The following BRD4 variants were observed in gnomAD, a reference collection of about 807,000 sequenced individuals.
The protein encoded by BRD4 is bromodomain-containing protein 4.
A neutral mutation model predicts 142.1 loss-of-function variants in BRD4; 16 were observed. The ratio of observed to expected loss-of-function variants is 0.11; its 90% CI spans 0.08 to 0.17. The LOEUF is 0.17. Ranked by LOEUF, BRD4 falls within the 10% of genes least tolerant of loss-of-function variation. The pLI, the probability that BRD4 is intolerant of heterozygous loss-of-function variation, is 1.00. For missense variants in BRD4, 1,424 were observed against 1,810.9 expected (o/e 0.79, Z 3.88); for synonymous variants, 833 against 707.5 (o/e 1.18, Z -2.82).
At chr19:15,293,677 G>A (rs2047801645) in intron 1 of BRD4, among the ~76,000 whole-genome samples, 1 of 152,112 alleles carries the variant, frequency 6.6e-6, no homozygotes, top group Admixed American at 6.5e-5. Context: ...CCTAAAATCC[G>A]CCATTTTAAC....
rs777186961 is a variant in BRD4, at chr19:15,264,655, G to A, written c.961C>T (p.Arg321Trp). The change falls in exon 6 of 20, where the codon CGG (arginine) becomes TGG (tryptophan). Residue 321 changes from arginine (R) to tryptophan (W), a missense_variant. Transcript: ENST00000679869. ...TTCACAGGCCGGCTGCTCTCCCGCC[G>A]CTGGCCCAGCTTGGTGGTCTTGGGC... ...PEPKTTKLGQ[R>W]RESSRPVKPP... The A allele has an allele frequency of 6.2e-6, 10 of 1,613,738 alleles. No homozygotes were observed. Among genetic ancestry groups the A allele is most frequent in the South Asian group, 4.4e-5 (4 of 91,056 alleles).
chr19:15,242,693 A>G (rs1568377459), intron 14 of BRD4, among the ~76,000 whole-genome samples: 1 of 152,082 alleles, frequency 6.6e-6, no homozygotes, highest in Non-Finnish European at 1.5e-5. Flanking sequence ...CCTTATTCTG[A>G]GTGATCTCAC....
intron 1 of BRD4, among the ~76,000 whole-genome samples, chr19:15,303,831 G>C (rs1221645171): frequency 6.6e-6 from 1 of 152,128 alleles, no homozygotes; most frequent in South Asian, 2.1e-4. Context: ...AGTTTTTTAA[G>C]TATCAACATT....
chr19:15,265,303 G>T, intron 5 of BRD4, 51 bp downstream of exon 5: 1 of 1,443,682 alleles, frequency 6.9e-7, no homozygotes, highest in Non-Finnish European at 9.2e-7. Context: ...GGCAAGGACA[G>T]GGCCGCTCTC....
intron 1 of BRD4, among the ~76,000 whole-genome samples, chr19:15,294,244 G>A (rs1038026107): frequency 1.3e-5 from 2 of 152,248 alleles, no homozygotes; most frequent in African/African-American, 4.8e-5. Context: ...TTGTTCCCTT[G>A]CATTTCTGCA....
At chr19:15,255,719 G>A in intron 9 of BRD4, 127 bp from the exon 10 acceptor site, 2 of 1,246,814 alleles carry the variant, frequency 1.6e-6, no homozygotes, top group East Asian at 2.4e-5. Context: ...AGCCTTCACA[G>A]GAAACGGGGC....
intron 1 of BRD4, among the ~76,000 whole-genome samples, chr19:15,273,682 G>T (rs1373603368): frequency 6.6e-6 from 1 of 152,202 alleles, no homozygotes; most frequent in African/African-American, 2.4e-5. Context: ...CCACTGCCAA[G>T]TGCTCAGGGC....
chr19:15,266,243 C>G (rs1211301149), intron 4 of BRD4, among the ~76,000 whole-genome samples: 1 of 152,222 alleles, frequency 6.6e-6, no homozygotes, highest in African/African-American at 2.4e-5. Flanking sequence ...GGCCAGAGCT[C>G]TAACAAAACT....
At chr19:15,310,788 C>T in intron 1 of BRD4, among the ~76,000 whole-genome samples, 1 of 151,716 alleles carries the variant, frequency 6.6e-6, no homozygotes, top group Admixed American at 6.6e-5. Context: ...AGCCACCGTG[C>T]CTGGCCTTAA....
chr19:15,331,755 G>A (rs1343817238), intron 1 of BRD4: 1 of 150,016 alleles, frequency 6.7e-6, no homozygotes, highest in Non-Finnish European at 1.5e-5. Context: ...CGGCCCACGT[G>A]AGCGCCGCGG....
chr19:15,277,029 C>G (rs2047654583), intron 1 of BRD4, among the ~76,000 whole-genome samples: 1 of 152,072 alleles, frequency 6.6e-6, no homozygotes, highest in Non-Finnish European at 1.5e-5. Flanking sequence ...AGAAGGCATG[C>G]CTGGCATAGA....
intron 1 of BRD4, among the ~76,000 whole-genome samples, chr19:15,311,903 G>A (rs1440303270): frequency 2.0e-5 from 3 of 152,174 alleles, no homozygotes; most frequent in Non-Finnish European, 4.4e-5. Flanking sequence ...GAAAGTAGAA[G>A]ACTGGCTGCC....
Position 15,235,631 on chromosome 19 carries a change from A to G in BRD4, c.*2746T>C, listed in dbSNP as rs1433300479. 2 of 152,126 alleles carry G rather than the reference A, an allele frequency of 1.3e-5. No individual in the cohort carries two copies. Among genetic ancestry groups the G allele is most frequent in the Admixed American group, 6.6e-5 (1 of 15,258 alleles). 9.4% of individuals were successfully genotyped at this position (152,126 alleles called of 1,614,324 possible). ...TACGAATTCCCTTCTACAAATGTCT[A>G]AAGTGTTTAATACAAGTCTCAGATT... On this transcript the variant is annotated 3_prime_UTR_variant, in exon 20 of 20. Transcript: ENST00000679869.
chr19:15,272,674 AC>A, intron 2 of BRD4, 140 bp downstream of exon 2: 1 of 721,838 alleles, frequency 1.4e-6, no homozygotes, highest in Non-Finnish European at 2.2e-6. Flanking sequence ...AACTGCTGAA[AC>A]CACTCACTCA....
chr19:15,238,645 C>T lies in BRD4; in HGVS notation c.4020+98G>A, dbSNP rs2047212778. On this transcript the variant is annotated intron_variant, in intron 19 of 19. Coordinates refer to ENST00000679869, the MANE Select transcript of BRD4 (RefSeq NM_001379291.1). This position sits in a 1 kb window ranked among gnomAD's most constrained non-coding sequence, Gnocchi z 7.2. Reference sequence around the variant, plus strand: ...ATGCCGACCAGCAGGGACGGGGCTCCCCCGCTGCCCCTCCCTGTCCAGGCT... The same window carrying T: ...ATGCCGACCAGCAGGGACGGGGCTCTCCCGCTGCCCCTCCCTGTCCAGGCT... 1 of 1,455,812 alleles carries T rather than the reference C, an allele frequency of 6.9e-7. No homozygotes were observed. 90.2% of individuals were successfully genotyped at this position (1,455,812 alleles called of 1,614,324 possible). A position where few individuals can be genotyped will look rare whatever the true frequency, so the allele number is the denominator to read the frequency against.
rs201131001 is a variant in BRD4, at chr19:15,273,153, C to T, written c.-34-20G>A. On this transcript the variant is annotated intron_variant, in intron 1 of 19. Transcript: ENST00000679869. ...GGCACTCTACAAAGGAAGAGAAGAG[C>T]CCCCGTGAGATATCAGTCAGCAGAT... 7.2e-6 allele frequency: 11 copies of T among 1,526,956 alleles called. No homozygotes were observed. Among genetic ancestry groups the T allele is most frequent in the African/African-American group, 2.8e-5 (2 of 72,278 alleles). The allele number at this position is 1,526,956 out of a possible 1,614,324, so 94.6% of individuals were successfully genotyped here.
intron 1 of BRD4, among the ~76,000 whole-genome samples, chr19:15,301,673 A>G (rs922832365): frequency 2.6e-5 from 4 of 151,826 alleles, no homozygotes; most frequent in Non-Finnish European, 4.4e-5. Flanking sequence ...CATCCTGGCT[A>G]ACACAGTGAA....
At chr19:15,331,623 G>A (rs1475365742) in intron 1 of BRD4, among the ~76,000 whole-genome samples, 1 of 152,114 alleles carries the variant, frequency 6.6e-6, no homozygotes, top group African/African-American at 2.4e-5. Flanking sequence ...CTCCGCAGGG[G>A]ACCTGCCCCT....
At chr19:15,268,441 C>T (rs932179399) in intron 3 of BRD4, among the ~76,000 whole-genome samples, 2 of 152,084 alleles carry the variant, frequency 1.3e-5, no homozygotes, top group African/African-American at 4.8e-5. Flanking sequence ...AGACCATCAC[C>T]CACAGAGCAA....
Sources: allele counts gnomAD v4.1 joint callset (sites outside exome capture counted in the v4.1 genomes callset), GRCh38; gene constraint gnomAD v4.1.1; non-coding constraint Gnocchi (gnomAD v3.1); transcripts MANE v1.5; gene names NCBI Gene and HGNC (gene_info 2026-07-23, HGNC 2026-07-21).